The following FAM193A variants were observed in gnomAD, a reference collection of about 807,000 sequenced individuals.
FAM193A encodes family with sequence similarity 193 member A.
Under a neutral mutation model 126.5 loss-of-function variants are expected in FAM193A, and 22 were observed. The observed-to-expected ratio is 0.17, with a 90% CI of 0.12 to 0.25. The LOEUF (loss-of-function observed/expected upper bound fraction) is 0.25, where lower values mean the gene tolerates loss of function less well. Ranked by LOEUF, FAM193A falls within the 10% of genes least tolerant of loss-of-function variation. The pLI, the probability that FAM193A is intolerant of heterozygous loss-of-function variation, is 1.00. For synonymous variants in FAM193A, 761 were observed against 646.8 expected (o/e 1.18, Z -2.68); for missense variants, 1,675 against 1,672.8 (o/e 1.00, Z -0.02).
intron 13 of FAM193A, among the ~76,000 whole-genome samples, chr4:2,686,469 A>G (rs1318547706): frequency 6.6e-6 from 1 of 152,232 alleles, no homozygotes; most frequent in African/African-American, 2.4e-5. Context: ...AACATAATCA[A>G]AATATCAAAA....
intron 20 of FAM193A, among the ~76,000 whole-genome samples, chr4:2,731,127 C>T (rs764635201): frequency 1.5e-5 from 2 of 135,928 alleles, no homozygotes; most frequent in Non-Finnish European, 1.5e-5. Flanking sequence ...ACGTGGGAGG[C>T]GGAGGCTTCA....
intron 2 of FAM193A, chr4:2,615,337 A>G (rs1742114741): frequency 6.6e-6 from 1 of 152,114 alleles, no homozygotes; most frequent in Non-Finnish European, 1.5e-5. Flanking sequence ...TTAATTCTAT[A>G]CATTTCTTTT....
chr4:2,726,030 C>T (rs1302267351), intron 20 of FAM193A, among the ~76,000 whole-genome samples: 1 of 152,198 alleles, frequency 6.6e-6, no homozygotes, highest in Non-Finnish European at 1.5e-5. Context: ...TCCTGAGTAG[C>T]TGCGACTACA....
chr4:2,686,239 T>C (rs1342466829), intron 13 of FAM193A, among the ~76,000 whole-genome samples: 1 of 152,256 alleles, frequency 6.6e-6, no homozygotes, highest in East Asian at 1.9e-4. Context: ...TGTGGGGTTC[T>C]GAATAGTGTG....
intron 1 of FAM193A, among the ~76,000 whole-genome samples, chr4:2,590,479 A>AC (rs1456544587): frequency 0.019 from 1,821 of 93,930 alleles, 369 homozygotes; most frequent in African/African-American, 0.13. Context: ...AAAAAAACAA[A>AC]AAAAAACAAA....
chr4:2,646,781 C>T lies in FAM193A; in HGVS notation c.1260C>T (p.Ala420=), dbSNP rs1454660001. Residue 420 remains alanine, a synonymous_variant, in exon 7 of 21, where the codon GCC becomes GCT. Transcript: ENST00000637812. ...QRSEEELRRV[A]EEWLECQKRI... is the part of the protein sequence containing the mutation. Reference sequence around the variant, plus strand: ...CCGAGGAGGAGCTGCGCAGAGTCGCCGAGGAGTGGCTGGAGTGCCAGAAGA... The same window carrying T: ...CCGAGGAGGAGCTGCGCAGAGTCGCTGAGGAGTGGCTGGAGTGCCAGAAGA... The T allele has an allele frequency of 1.8e-5, 29 of 1,613,958 alleles. No individual in the cohort carries two copies. The highest frequency in any genetic ancestry group is 3.3e-4 in the Middle Eastern group (2 of 6,060).
intron 6 of FAM193A, among the ~76,000 whole-genome samples, chr4:2,641,879 G>T (rs927168210): frequency 1.3e-5 from 2 of 152,124 alleles, no homozygotes; most frequent in Middle Eastern, 3.4e-3. Context: ...TGAGGCAGGA[G>T]GATTGCTTAA....
At chr4:2,655,997 G>A (rs2109089217) in intron 7 of FAM193A, among the ~76,000 whole-genome samples, 1 of 152,202 alleles carries the variant, frequency 6.6e-6, no homozygotes, top group East Asian at 1.9e-4. Context: ...TTGTTACCTA[G>A]ACTGTTCTCA....
Position 2,693,707 on chromosome 4 carries a change from T to TGCGCTCTCACCTGCC in FAM193A, c.2926_2940dup (p.Ala976_Ala980dup). 1.2e-6 allele frequency: 2 copies of TGCGCTCTCACCTGCC among 1,614,144 alleles called. No homozygotes were observed. The highest frequency in any genetic ancestry group is 1.7e-6 in the Non-Finnish European group (2 of 1,179,996). ...TCTCGCCTGCTGCGCTGTCACCTGC[T>TGCGCTCTCACCTGCC]GCGCTCTCACCTGCCTCCACACCTC... On this transcript the variant is annotated inframe_insertion, in exon 16 of 21. Coordinates refer to ENST00000637812, the MANE Select transcript of FAM193A (RefSeq NM_001366318.2).
chr4:2,633,922 A>T (rs1406483939), intron 5 of FAM193A, among the ~76,000 whole-genome samples: 2 of 152,166 alleles, frequency 1.3e-5, no homozygotes, highest in Non-Finnish European at 2.9e-5. Context: ...TTTAAAGTGT[A>T]TGGCTGAGAT....
chr4:2,715,541 G>C (rs1719445154), intron 19 of FAM193A: 17 of 993,032 alleles, frequency 1.7e-5, no homozygotes, highest in Non-Finnish European at 1.9e-5. Context: ...GTTGATGTCT[G>C]GGTCCTCTTC....
At chr4:2,676,691 C>G (rs1714440361) in intron 13 of FAM193A, among the ~76,000 whole-genome samples, 1 of 152,116 alleles carries the variant, frequency 6.6e-6, no homozygotes, top group Non-Finnish European at 1.5e-5. Flanking sequence ...GCCTGTAATT[C>G]CAGCACTTTG....
chr4:2,564,104 T>C (rs1738791797), intron 1 of FAM193A, among the ~76,000 whole-genome samples: 1 of 152,136 alleles, frequency 6.6e-6, no homozygotes, highest in South Asian at 2.1e-4. Context: ...TGTTTATTTT[T>C]TGAGACAGGG....
chr4:2,678,177 G>A (rs940387440), intron 13 of FAM193A, among the ~76,000 whole-genome samples: 2 of 151,818 alleles, frequency 1.3e-5, no homozygotes, highest in South Asian at 4.1e-4. Flanking sequence ...ATAGAGATGG[G>A]GTTTCACTGT....
chr4:2,595,910 A>G (rs761907807), intron 1 of FAM193A, among the ~76,000 whole-genome samples, 174 bp from the exon 2 acceptor site: 1 of 152,188 alleles, frequency 6.6e-6, no homozygotes, highest in Non-Finnish European at 1.5e-5. Context: ...GCACTATTTA[A>G]AGTATTACGA....
chr4:2,586,852 C>G (rs1264946509), intron 1 of FAM193A, among the ~76,000 whole-genome samples: 1 of 152,010 alleles, frequency 6.6e-6, no homozygotes, highest in East Asian at 1.9e-4. Context: ...CGGGGTCTCC[C>G]TCTGTTGCTC....
chr4:2,604,952 C>G (rs1486759919), intron 2 of FAM193A, among the ~76,000 whole-genome samples: 2 of 150,982 alleles, frequency 1.3e-5, no homozygotes, highest in African/African-American at 4.9e-5. Flanking sequence ...TGCACGCCAA[C>G]AGTCCTGGAT....
intron 2 of FAM193A, among the ~76,000 whole-genome samples, chr4:2,600,481 A>G (rs1006973272): frequency 6.6e-6 from 1 of 152,110 alleles, no homozygotes; most frequent in African/African-American, 2.4e-5. Context: ...ATGGGCATCT[A>G]GTGCGTTTTT....
chr4:2,605,444 T>A (rs1182608832), intron 2 of FAM193A, among the ~76,000 whole-genome samples: 1 of 152,228 alleles, frequency 6.6e-6, no homozygotes, highest in Non-Finnish European at 1.5e-5. Context: ...GCATTATGTT[T>A]GAGAGTCATA....
Sources: gnomAD v4.1 joint callset for allele counts (sites outside exome capture counted in the v4.1 genomes callset) on GRCh38, gnomAD v4.1.1 for gene constraint, MANE v1.5 for transcripts, NCBI Gene and HGNC (gene_info 2026-07-23, HGNC 2026-07-21) for gene names.